RALGAPA2: variants seen among roughly 807,000 people sequenced by gnomAD.
RALGAPA2 encodes the protein ral GTPase-activating protein subunit alpha-2.
In RALGAPA2, 139 loss-of-function variants were observed where a neutral mutation model predicts 230.4. The ratio of observed to expected loss-of-function variants is 0.60; its 90% confidence interval spans 0.53 to 0.69. RALGAPA2 has a LOEUF of 0.69. Among genes scored for constraint, RALGAPA2 ranks in the 30% least tolerant of loss-of-function variants. The probability of loss-of-function intolerance (pLI) is 0.00; values close to 1 mark genes in which losing one functional copy is unlikely to be tolerated. For missense variants in RALGAPA2, 2,163 were observed against 2,276.0 expected, an observed-to-expected ratio of 0.95 and a Z score of 1.01; for synonymous variants, 847 against 837.8, an observed-to-expected ratio of 1.01 and a Z score of -0.19.
At chr20:20,488,992 T>C (rs765011887) in intron 36 of RALGAPA2, among the ~76,000 whole-genome samples, 3 of 152,220 alleles carry the variant, frequency 2.0e-5, no homozygotes, top group African/African-American at 7.2e-5. Flanking sequence ...AGATCTCTTG[T>C]GACCATCTGT....
At chr20:20,462,070 G>T (rs2061315471) in intron 37 of RALGAPA2, among the ~76,000 whole-genome samples, 2 of 152,210 alleles carry the variant, frequency 1.3e-5, no homozygotes, top group African/African-American at 4.8e-5. Flanking sequence ...CAAAGAGGAA[G>T]ATTGAAGACC....
intron 26 of RALGAPA2, 27 bp from the exon 27 acceptor site, chr20:20,531,822 AAACTCTCATG>A: frequency 6.7e-7 from 1 of 1,499,882 alleles, no homozygotes. Flanking sequence ...AAACAGAGGA[AAACTCTCATG>A]AAACTTAATA....
At chr20:20,498,265 G>A (rs1045752005) in intron 35 of RALGAPA2, among the ~76,000 whole-genome samples, 16 of 152,122 alleles carry the variant, frequency 1.1e-4, no homozygotes, top group African/African-American at 3.1e-4. Context: ...GAATGGAGCC[G>A]GTGTTTATGT....
intron 37 of RALGAPA2, among the ~76,000 whole-genome samples, chr20:20,421,890 C>A (rs2060283800): frequency 6.6e-6 from 1 of 152,252 alleles, no homozygotes; most frequent in East Asian, 1.9e-4. Context: ...CCCTTGCCTG[C>A]AAACTGATGA....
intron 34 of RALGAPA2, among the ~76,000 whole-genome samples, chr20:20,503,736 A>G (rs1273444266): frequency 6.6e-6 from 1 of 152,224 alleles, no homozygotes; most frequent in African/African-American, 2.4e-5. Flanking sequence ...ACCACTACCA[A>G]ACTTTTGGTA....
rs762683326 is a variant in RALGAPA2, at chr20:20,396,720, T to G, written c.*10A>C. 5 of 1,609,512 alleles carry G rather than the reference T, an allele frequency of 3.1e-6. No homozygotes were observed. The East Asian group carries it at 8.9e-5, about 29-fold the overall frequency. On this transcript the variant is annotated 3_prime_UTR_variant, in exon 39 of 40. Transcript: ENST00000202677. ...CTTGCTCAAATATTGAAATGAGACC[T>G]TTACGTGTTTTAATCTGAAGGGAAA...
Position 20,503,492 on chromosome 20 carries a change from G to A in RALGAPA2, c.5067C>T (p.Thr1689=). Reference sequence around the variant, plus strand: ...GAAGGCCACCCATGAACCCACAGTGGGTGGAGAGATCCACCTGACAAAGGT... The same window carrying A: ...GAAGGCCACCCATGAACCCACAGTGAGTGGAGAGATCCACCTGACAAAGGT... ...AGLGWEVDLS[T]HCGFMGGLQR... The change falls in exon 35 of 40, where the codon ACC becomes ACT. Residue 1689 remains threonine (T), a synonymous_variant. Transcript: ENST00000202677. 1 of 1,571,902 alleles carries A rather than the reference G, an allele frequency of 6.4e-7. No individual in the cohort carries two copies. The highest frequency in any genetic ancestry group is 1.4e-5 in the African/African-American group (1 of 72,750).
chr20:20,618,044 A>T (rs1032385412), intron 12 of RALGAPA2, among the ~76,000 whole-genome samples: 6 of 152,240 alleles, frequency 3.9e-5, no homozygotes, highest in African/African-American at 1.4e-4. Flanking sequence ...TCTCATGAAC[A>T]TTATGATGAA....
intron 18 of RALGAPA2, among the ~76,000 whole-genome samples, chr20:20,585,940 TTA>T (rs1174123205): frequency 2.0e-5 from 3 of 152,030 alleles, no homozygotes; most frequent in Non-Finnish European, 4.4e-5. Flanking sequence ...GAAAGAATAA[TTA>T]TTAAGCTAAT....
At chr20:20,588,762 T>A (rs1270494898) in intron 18 of RALGAPA2, among the ~76,000 whole-genome samples, 2 of 152,152 alleles carry the variant, frequency 1.3e-5, no homozygotes, top group African/African-American at 2.4e-5. Context: ...TGCTACATTT[T>A]AAAAAAATGA....
intron 19 of RALGAPA2, 136 bp from the exon 20 acceptor site, chr20:20,583,362 G>T: frequency 1.0e-6 from 1 of 955,390 alleles, no homozygotes; most frequent in East Asian, 2.7e-5. Flanking sequence ...AGAACCTGCA[G>T]AACTTGAGAG....
intron 37 of RALGAPA2, among the ~76,000 whole-genome samples, chr20:20,446,342 C>T (rs1227772400): frequency 1.3e-5 from 2 of 152,192 alleles, no homozygotes; most frequent in Non-Finnish European, 2.9e-5. Flanking sequence ...AACACATATG[C>T]TGGCAGATTA....
At chr20:20,494,004 T>C (rs1004678833) in intron 36 of RALGAPA2, among the ~76,000 whole-genome samples, 1 of 152,216 alleles carries the variant, frequency 6.6e-6, no homozygotes, top group East Asian at 1.9e-4. Context: ...ATAATAAGCA[T>C]GTTAAACTTG....
At chr20:20,636,139 T>G (rs182208006) in intron 8 of RALGAPA2, among the ~76,000 whole-genome samples, 14 of 152,308 alleles carry the variant, frequency 9.2e-5, no homozygotes, top group Admixed American at 2.0e-4. Context: ...TTAAAAGAAT[T>G]AAGAAAGTCA....
intron 10 of RALGAPA2, among the ~76,000 whole-genome samples, chr20:20,624,473 C>T (rs2146375860): frequency 6.6e-6 from 1 of 151,980 alleles, no homozygotes; most frequent in South Asian, 2.1e-4. Flanking sequence ...TATTTTAGAA[C>T]TATGGAACAG....
At chr20:20,516,595 T>C (rs2062878206) in intron 31 of RALGAPA2, among the ~76,000 whole-genome samples, 1 of 152,184 alleles carries the variant, frequency 6.6e-6, no homozygotes. Context: ...GCCAGCACAC[T>C]AAGCATATCT....
chr20:20,653,520 T>C lies in RALGAPA2; in HGVS notation c.328+10A>G. Reference sequence around the variant, plus strand: ...ATTCATATTACTAAAAAATTTTTAATTGTTCTTACCTATACTCTGGTAATG... The same window carrying C: ...ATTCATATTACTAAAAAATTTTTAACTGTTCTTACCTATACTCTGGTAATG... On this transcript the variant is annotated intron_variant, in intron 4 of 39. Transcript: ENST00000202677. 1.4e-6 allele frequency: 2 copies of C among 1,445,420 alleles called. No homozygotes were observed. Among genetic ancestry groups the C allele is most frequent in the South Asian group, 1.3e-5 (1 of 78,014 alleles). The allele number at this position is 1,445,420 out of a possible 1,614,324, so 89.5% of individuals were successfully genotyped here.
chr20:20,524,121 T>C (rs1022061422), intron 30 of RALGAPA2, among the ~76,000 whole-genome samples: 1 of 152,130 alleles, frequency 6.6e-6, no homozygotes, highest in African/African-American at 2.4e-5. Context: ...CACGCCCGGC[T>C]AATTTTTTGT....
intron 1 of RALGAPA2, among the ~76,000 whole-genome samples, chr20:20,703,912 T>C (rs1349405749): frequency 6.6e-6 from 1 of 152,194 alleles, no homozygotes; most frequent in African/African-American, 2.4e-5. Flanking sequence ...TATATAGATT[T>C]TCCGCCTTCT....
Sources: allele counts gnomAD v4.1 joint callset (sites outside exome capture counted in the v4.1 genomes callset), GRCh38; gene constraint gnomAD v4.1.1; transcripts MANE v1.5; gene names NCBI Gene and HGNC (gene_info 2026-07-23, HGNC 2026-07-21).